Variants in ERC2 observed in about 807,000 individuals in gnomAD.
ERC2 encodes ELKS/RAB6-interacting/CAST family member 2.
A neutral mutation model predicts 114.8 loss-of-function variants in ERC2; 42 were observed. The ratio of observed to expected loss-of-function variants is 0.37; its 90% CI spans 0.29 to 0.47. ERC2 has a LOEUF of 0.47. Ranked by LOEUF, ERC2 falls within the 20% of genes least tolerant of loss-of-function variation. The pLI is 0.99. For synonymous variants in ERC2, 454 were observed against 425.5 expected, an observed-to-expected ratio of 1.07 and a Z score of -0.82; for missense variants, 939 against 1,150.7, an observed-to-expected ratio of 0.82 and a Z score of 2.66.
chr3:56,131,648 A>G (rs1273388787), intron 6 of ERC2, among the ~76,000 whole-genome samples: 1 of 152,190 alleles, frequency 6.6e-6, no homozygotes, highest in Non-Finnish European at 1.5e-5. Flanking sequence ...AAAACCTGAA[A>G]TTATTGTTTA....
chr3:56,173,316 C>A, intron 4 of ERC2, 130 bp downstream of exon 4: 1 of 832,150 alleles, frequency 1.2e-6, no homozygotes, highest in South Asian at 1.5e-5. Flanking sequence ...AAAAAAAATC[C>A]AGAAGTAAAG....
At chr3:55,572,745 C>T (rs6769087) in intron 17 of ERC2, among the ~76,000 whole-genome samples, 31,824 of 152,094 alleles carry the variant, frequency 0.21, 3,391 homozygotes, top group South Asian at 0.24. Flanking sequence ...GGAGGGCCTC[C>T]CTCCAATAGT....
intron 17 of ERC2, among the ~76,000 whole-genome samples, chr3:55,682,581 G>T (rs2062111493): frequency 6.6e-6 from 1 of 152,154 alleles, no homozygotes; most frequent in South Asian, 2.1e-4. Context: ...AAACGTACCA[G>T]CTCTTGGTTA....
intron 14 of ERC2, among the ~76,000 whole-genome samples, chr3:55,866,499 T>C (rs1241156974): frequency 6.6e-6 from 1 of 152,182 alleles, no homozygotes; most frequent in Non-Finnish European, 1.5e-5. Context: ...TTTTCTTTAG[T>C]TATTTGTGCT....
At chr3:56,415,532 T>C (rs1480033119) in intron 2 of ERC2, among the ~76,000 whole-genome samples, 1 of 152,182 alleles carries the variant, frequency 6.6e-6, no homozygotes, top group Non-Finnish European at 1.5e-5. Context: ...AAGCCATGAG[T>C]AAGGAAGCAC....
chr3:56,195,585 T>C (rs1218139990), intron 3 of ERC2, among the ~76,000 whole-genome samples: 7 of 151,806 alleles, frequency 4.6e-5, no homozygotes, highest in African/African-American at 1.5e-4. Flanking sequence ...ATCCCAGCAC[T>C]TTGGGGAGTA....
At chr3:56,242,164 C>T (rs1228136948) in intron 3 of ERC2, among the ~76,000 whole-genome samples, 1 of 152,108 alleles carries the variant, frequency 6.6e-6, no homozygotes, top group Non-Finnish European at 1.5e-5. Context: ...AAAATAATGG[C>T]CTTTGCAGCA....
intron 7 of ERC2, among the ~76,000 whole-genome samples, chr3:56,050,900 C>T (rs1258420960): frequency 1.3e-5 from 2 of 152,162 alleles, no homozygotes; most frequent in East Asian, 3.9e-4. Flanking sequence ...ATAAGTTGCT[C>T]ATTAGAAATA....
At chr3:55,902,483 A>C (rs11130487) in intron 13 of ERC2, among the ~76,000 whole-genome samples, 43,239 of 152,054 alleles carry the variant, frequency 0.28, 7,235 homozygotes, top group Non-Finnish European at 0.35. Context: ...CCAAACAGTC[A>C]GTTCTCCCCA....
intron 13 of ERC2, among the ~76,000 whole-genome samples, chr3:55,891,601 C>T (rs556409542): frequency 6.6e-6 from 1 of 152,016 alleles, no homozygotes; most frequent in African/African-American, 2.4e-5. Context: ...TGCATGCCAC[C>T]ACGCCCAGCT....
At chr3:55,946,296 C>T (rs1034825138) in intron 13 of ERC2, among the ~76,000 whole-genome samples, 5 of 152,168 alleles carry the variant, frequency 3.3e-5, no homozygotes, top group Non-Finnish European at 7.3e-5. Context: ...CGATCTTTCA[C>T]ATCCACCTTT....
chr3:55,645,294 C>T (rs572171806), intron 17 of ERC2, among the ~76,000 whole-genome samples: 1 of 152,238 alleles, frequency 6.6e-6, no homozygotes, highest in Non-Finnish European at 1.5e-5. Flanking sequence ...ACCACGTGAC[C>T]TCCTTTACTT....
intron 2 of ERC2, among the ~76,000 whole-genome samples, chr3:56,324,219 T>C (rs1013454714): frequency 1.3e-5 from 2 of 152,202 alleles, no homozygotes; most frequent in Admixed American, 6.5e-5. Context: ...GAAGCAGCTC[T>C]GTGTTAGTTG....
intron 7 of ERC2, among the ~76,000 whole-genome samples, chr3:56,032,989 AAG>A (rs1441609071): frequency 1.7e-5 from 2 of 115,144 alleles, no homozygotes; most frequent in Non-Finnish European, 3.8e-5. Flanking sequence ...GAAAGAAAGA[AAG>A]AAAGAAAGAA....
intron 17 of ERC2, among the ~76,000 whole-genome samples, chr3:55,611,458 T>G (rs1159580580): frequency 6.6e-6 from 1 of 152,224 alleles, no homozygotes; most frequent in East Asian, 1.9e-4. Context: ...AGAAGCAGGC[T>G]GGCTTGTGTG....
At chr3:56,030,126 T>G (rs964018258) in intron 7 of ERC2, among the ~76,000 whole-genome samples, 3 of 152,204 alleles carry the variant, frequency 2.0e-5, no homozygotes, top group African/African-American at 7.2e-5. Context: ...TCCCCTTGTC[T>G]GTCTGTTATC....
intron 2 of ERC2, among the ~76,000 whole-genome samples, chr3:56,308,167 A>G (rs2056342778): frequency 6.6e-6 from 1 of 152,208 alleles, no homozygotes; most frequent in Admixed American, 6.5e-5. Flanking sequence ...TCACAAGAGC[A>G]TAAATTGTGG....
intron 3 of ERC2, among the ~76,000 whole-genome samples, chr3:56,186,614 C>T (rs913217158): frequency 6.6e-6 from 1 of 152,152 alleles, no homozygotes; most frequent in East Asian, 1.9e-4. Flanking sequence ...TCACTGCAAC[C>T]TCTGCCCTCT....
intron 17 of ERC2, among the ~76,000 whole-genome samples, chr3:55,556,879 A>T (rs2107457398): frequency 6.6e-6 from 1 of 152,298 alleles, no homozygotes; most frequent in East Asian, 1.9e-4. Flanking sequence ...AAAAGGGAAG[A>T]GCTGAATAGG....
Sources: gnomAD v4.1 joint callset for allele counts (sites outside exome capture counted in the v4.1 genomes callset) on GRCh38, gnomAD v4.1.1 for gene constraint, MANE v1.5 for transcripts, NCBI Gene and HGNC (gene_info 2026-07-23, HGNC 2026-07-21) for gene names.